The following MIPOL1 variants were observed in gnomAD, a reference collection of about 807,000 sequenced individuals.
The protein encoded by MIPOL1 is mirror-image polydactyly 1, also known as mirror-image polydactyly gene 1 protein.
In MIPOL1, 57 loss-of-function variants were observed where a neutral mutation model predicts 60.9. The ratio of observed to expected loss-of-function variants is 0.94; its 90% CI spans 0.76 to 1.17. The LOEUF (loss-of-function observed/expected upper bound fraction) is 1.17, where lower values mean the gene tolerates loss of function less well. MIPOL1 is among the 50% of genes most tolerant of loss of function. MIPOL1 has a pLI of 0.00. For missense variants in MIPOL1, 551 were observed against 511.6 expected (o/e 1.08, Z -0.74); for synonymous variants, 179 against 168.8 (o/e 1.06, Z -0.47).
At chr14:37,279,858 C>T (rs919052450) in intron 6 of MIPOL1, among the ~76,000 whole-genome samples, 1 of 152,042 alleles carries the variant, frequency 6.6e-6, no homozygotes, top group African/African-American at 2.4e-5. Flanking sequence ...TTATAAGTCA[C>T]CTTGATGTGT....
intron 11 of MIPOL1, among the ~76,000 whole-genome samples, chr14:37,486,512 A>G (rs2094948561): frequency 6.6e-6 from 1 of 152,190 alleles, no homozygotes. Context: ...TTCCTTGAGC[A>G]ATGGTTTGTA....
chr14:37,467,569 G>A (rs1004790397), intron 11 of MIPOL1, among the ~76,000 whole-genome samples: 2 of 152,082 alleles, frequency 1.3e-5, no homozygotes, highest in Non-Finnish European at 1.5e-5. Flanking sequence ...AGTTACCTTC[G>A]GGAGAATCAC....
intron 11 of MIPOL1, among the ~76,000 whole-genome samples, chr14:37,432,863 T>G (rs1049760619): frequency 3.3e-5 from 5 of 152,160 alleles, no homozygotes; most frequent in Non-Finnish European, 7.3e-5. Context: ...TCTGGCAATG[T>G]GGGACGCTTA....
intron 1 of MIPOL1, among the ~76,000 whole-genome samples, chr14:37,236,145 C>T (rs1416713680): frequency 6.6e-6 from 1 of 151,924 alleles, no homozygotes; most frequent in East Asian, 1.9e-4. Context: ...AGGCTGGTCT[C>T]GAACTCCTGA....
intron 10 of MIPOL1, among the ~76,000 whole-genome samples, chr14:37,392,467 T>C (rs937932330): frequency 2.6e-5 from 4 of 152,220 alleles, no homozygotes; most frequent in Admixed American, 2.6e-4. Flanking sequence ...TCATGTCATC[T>C]ACAAATACAG....
intron 11 of MIPOL1, among the ~76,000 whole-genome samples, chr14:37,465,392 AT>A (rs1307368436): frequency 1.3e-5 from 2 of 152,170 alleles, no homozygotes; most frequent in African/African-American, 4.8e-5. Context: ...TTTCTCTTCC[AT>A]ACACCAGCTA....
intron 5 of MIPOL1, among the ~76,000 whole-genome samples, chr14:37,269,477 A>G (rs1273554841): frequency 6.6e-6 from 1 of 151,930 alleles, no homozygotes; most frequent in Non-Finnish European, 1.5e-5. Context: ...AATGTTGATC[A>G]TGTTTGGAGG....
intron 3 of MIPOL1, among the ~76,000 whole-genome samples, chr14:37,255,018 T>G (rs1269520595): frequency 1.3e-5 from 2 of 151,822 alleles, no homozygotes; most frequent in African/African-American, 4.8e-5. Context: ...ATGACTTGAT[T>G]TTGTCAAAAG....
intron 11 of MIPOL1, among the ~76,000 whole-genome samples, chr14:37,485,321 G>A (rs562927997): frequency 1.3e-5 from 2 of 152,262 alleles, no homozygotes; most frequent in East Asian, 3.9e-4. Context: ...ATACTGGAAT[G>A]ATTTATAATC....
intron 9 of MIPOL1, among the ~76,000 whole-genome samples, chr14:37,359,081 T>A (rs2092048873): frequency 1.3e-5 from 2 of 152,228 alleles, no homozygotes; most frequent in Admixed American, 6.5e-5. Context: ...CACGATTTAT[T>A]AAACAGGGAA....
intron 11 of MIPOL1, among the ~76,000 whole-genome samples, chr14:37,459,111 A>G (rs571704386): frequency 2.6e-5 from 4 of 152,224 alleles, no homozygotes; most frequent in African/African-American, 9.6e-5. Context: ...CCTAGGAACT[A>G]GAAAAACAAG....
chr14:37,216,836 A>G (rs1048846872), intron 1 of MIPOL1, among the ~76,000 whole-genome samples: 5 of 152,184 alleles, frequency 3.3e-5, no homozygotes, highest in Non-Finnish European at 7.3e-5. Flanking sequence ...AAAAAGAGGA[A>G]ATACTTCAAA....
At chr14:37,494,381 G>A (rs2095087570) in intron 11 of MIPOL1, among the ~76,000 whole-genome samples, 2 of 152,174 alleles carry the variant, frequency 1.3e-5, no homozygotes, top group Admixed American at 6.6e-5. Flanking sequence ...GAAGACCCAC[G>A]TAGGTGTATC....
At chr14:37,260,153 C>A (rs2082416935) in intron 3 of MIPOL1, among the ~76,000 whole-genome samples, 1 of 151,414 alleles carries the variant, frequency 6.6e-6, no homozygotes, top group Non-Finnish European at 1.5e-5. Context: ...CACCTGTAAC[C>A]CCAGCACTTT....
At chr14:37,442,157 G>T (rs533242441) in intron 11 of MIPOL1, among the ~76,000 whole-genome samples, 3 of 150,386 alleles carry the variant, frequency 2.0e-5, no homozygotes, top group South Asian at 4.2e-4. Context: ...TTGCATTCTG[G>T]AATTGGCTGT....
intron 9 of MIPOL1, among the ~76,000 whole-genome samples, chr14:37,361,987 G>T (rs2092284088): frequency 6.6e-6 from 1 of 151,902 alleles, no homozygotes; most frequent in African/African-American, 2.4e-5. Context: ...CCTTCCCTTT[G>T]TTTTGAGCTA....
chr14:37,266,803 T>C, intron 3 of MIPOL1, 135 bp from the exon 4 acceptor site: 1 of 664,668 alleles, frequency 1.5e-6, no homozygotes, highest in Non-Finnish European at 2.6e-6. Context: ...GCTTATCTGA[T>C]TACAGTAGGA....
intron 11 of MIPOL1, among the ~76,000 whole-genome samples, chr14:37,436,155 A>G (rs536224374): frequency 6.6e-6 from 1 of 152,292 alleles, no homozygotes; most frequent in African/African-American, 2.4e-5. Flanking sequence ...GTAAAATAAG[A>G]TGTTAAAAAA....
At chr14:37,199,611 G>A (rs1303403870) in intron 1 of MIPOL1, among the ~76,000 whole-genome samples, 4 of 151,616 alleles carry the variant, frequency 2.6e-5, no homozygotes, top group Non-Finnish European at 4.4e-5. Context: ...TGCAACCTCC[G>A]CCTCCCGGGA....
Sources: gnomAD v4.1 joint callset for allele counts (sites outside exome capture counted in the v4.1 genomes callset) on GRCh38, gnomAD v4.1.1 for gene constraint, MANE v1.5 for transcripts, NCBI Gene and HGNC (gene_info 2026-07-23, HGNC 2026-07-21) for gene names.